Variants in ARPC1A observed in about 807,000 individuals in gnomAD.
ARPC1A encodes actin related protein 2/3 complex subunit 1A.
Under a neutral mutation model 46.9 loss-of-function variants are expected in ARPC1A, and 8 were observed. The ratio of observed to expected loss-of-function variants is 0.17; its 90% CI spans 0.10 to 0.31. ARPC1A has a LOEUF of 0.31. Among genes scored for constraint, ARPC1A ranks in the 10% least tolerant of loss-of-function variants. The pLI is 1.00. For synonymous variants in ARPC1A, 152 were observed against 169.0 expected, an observed-to-expected ratio of 0.90 and a Z score of 0.78; for missense variants, 286 against 483.6, an observed-to-expected ratio of 0.59 and a Z score of 3.83.
At chr7:99,335,880 G>A (rs1055388713) in intron 2 of ARPC1A, among the ~76,000 whole-genome samples, 1 of 152,050 alleles carries the variant, frequency 6.6e-6, no homozygotes, top group Admixed American at 6.6e-5. Flanking sequence ...CGTGAACCTG[G>A]GAGGCGGAGC....
chr7:99,339,795 C>T, intron 3 of ARPC1A: 1 of 283,214 alleles, frequency 3.5e-6, no homozygotes, highest in South Asian at 3.2e-5. Context: ...GCTGAATAGG[C>T]ATCCCTTGAT....
chr7:99,327,101 G>C (rs1793059726), intron 1 of ARPC1A, among the ~76,000 whole-genome samples: 1 of 151,972 alleles, frequency 6.6e-6, no homozygotes, highest in African/African-American at 2.4e-5. Context: ...TAGGGCCTGG[G>C]TTTTCAGGTA....
chr7:99,327,355 G>T (rs1793063489), intron 1 of ARPC1A, among the ~76,000 whole-genome samples: 1 of 151,908 alleles, frequency 6.6e-6, no homozygotes, highest in South Asian at 2.1e-4. Flanking sequence ...CTGTCACCCA[G>T]ACTGGAGTGC....
chr7:99,336,586 T>G (rs1269915394), intron 2 of ARPC1A, among the ~76,000 whole-genome samples: 2 of 142,188 alleles, frequency 1.4e-5, no homozygotes, highest in Non-Finnish European at 3.0e-5. Context: ...CTCTGCCTCC[T>G]ACGATCAAGC....
intron 2 of ARPC1A, among the ~76,000 whole-genome samples, chr7:99,337,533 A>G (rs1793277061): frequency 6.6e-6 from 1 of 152,232 alleles, no homozygotes; most frequent in African/African-American, 2.4e-5. Flanking sequence ...ATTTGGGAGC[A>G]TGTCAGATTT....
At chr7:99,345,183 C>T (rs1005493229) in intron 4 of ARPC1A, among the ~76,000 whole-genome samples, 25 of 151,700 alleles carry the variant, frequency 1.6e-4, no homozygotes, top group Non-Finnish European at 2.8e-4. Context: ...TCCACCGCCT[C>T]GGCCTCCCAA....
chr7:99,337,452 A>C (rs927546535), intron 2 of ARPC1A, among the ~76,000 whole-genome samples: 1 of 152,174 alleles, frequency 6.6e-6, no homozygotes, highest in Non-Finnish European at 1.5e-5. Flanking sequence ...TCTGAAATCC[A>C]AAATGTTCCA....
At chr7:99,360,582 C>T (rs915700763) in intron 8 of ARPC1A, among the ~76,000 whole-genome samples, 1 of 152,138 alleles carries the variant, frequency 6.6e-6, no homozygotes, top group African/African-American at 2.4e-5. Context: ...CCACCTCAGC[C>T]TCCCAAATTG....
At chr7:99,351,062 C>T (rs560109705) in intron 5 of ARPC1A, among the ~76,000 whole-genome samples, 6 of 151,866 alleles carry the variant, frequency 4.0e-5, no homozygotes, top group Admixed American at 2.0e-4. Flanking sequence ...TTGAGTTTGG[C>T]GGAGAGGATG....
At chr7:99,344,674 A>C (rs1360418381) in intron 4 of ARPC1A, among the ~76,000 whole-genome samples, 159 bp downstream of exon 4, 1 of 152,012 alleles carries the variant, frequency 6.6e-6, no homozygotes, top group Non-Finnish European at 1.5e-5. Flanking sequence ...TCTCATGTGC[A>C]TGTTAAGTTA....
chr7:99,361,572 TTC>T (rs1287819016), intron 8 of ARPC1A, among the ~76,000 whole-genome samples: 1 of 152,200 alleles, frequency 6.6e-6, no homozygotes, highest in East Asian at 1.9e-4. Flanking sequence ...TTCTTTAGGT[TTC>T]TCTGTCTTGA....
intron 5 of ARPC1A, among the ~76,000 whole-genome samples, chr7:99,353,283 G>T (rs112296818): frequency 0.35 from 52,721 of 149,168 alleles, 15,366 homozygotes; most frequent in African/African-American, 0.8. Flanking sequence ...CTCAGCCTCC[G>T]GAGTAGCTGG....
rs1172071932 is a variant in ARPC1A at position 99,344,920 on chromosome 7, C to CTTTTTTT, written c.392+428_392+434dup. Among the ~76,000 whole-genome samples, 59 of 20,110 alleles carry CTTTTTTT rather than the reference C, an allele frequency of 2.9e-3. 13 individuals are homozygous for CTTTTTTT. Among genetic ancestry groups the CTTTTTTT allele is most frequent in the African/African-American group, 7.4e-3 (34 of 4,576 alleles). The allele number at this position is 20,110 out of a possible 152,430, so 13.2% of individuals were successfully genotyped here. ...TAGGATTCCTACAGATAACAATGTT[C>CTTTTTTT]TTTTTTTTTTTTTTTTTTTTTTTTT... On this transcript the variant is annotated intron_variant, in intron 4 of 9. Coordinates refer to ENST00000262942, the MANE Select transcript of ARPC1A (RefSeq NM_006409.4).
At chr7:99,343,948 A>G (rs938834159) in intron 3 of ARPC1A, among the ~76,000 whole-genome samples, 1 of 152,244 alleles carries the variant, frequency 6.6e-6, no homozygotes, top group Admixed American at 6.5e-5. Flanking sequence ...ACAAAAATCT[A>G]ATAAAGAGGA....
At chr7:99,351,083 G>C (rs1281415125) in intron 5 of ARPC1A, among the ~76,000 whole-genome samples, 1 of 152,102 alleles carries the variant, frequency 6.6e-6, no homozygotes, top group African/African-American at 2.4e-5. Context: ...GAGGTCATGG[G>C]AGTGTCAAGG....
intron 3 of ARPC1A, among the ~76,000 whole-genome samples, chr7:99,342,526 TAAAGTGAGACCCTGTCTC>T (rs1793371834): frequency 6.6e-6 from 1 of 151,260 alleles, no homozygotes; most frequent in South Asian, 2.1e-4. Flanking sequence ...GTCTAGGTGA[TAAAGTGAGACCCTGTCTC>T]AAAAAAAAAA....
chr7:99,336,805 A>AT (rs1182832917), intron 2 of ARPC1A, among the ~76,000 whole-genome samples: 1 of 151,840 alleles, frequency 6.6e-6, no homozygotes, highest in East Asian at 1.9e-4. Flanking sequence ...ATAGATCCTA[A>AT]TTTTAATTTT....
intron 5 of ARPC1A, among the ~76,000 whole-genome samples, chr7:99,352,719 CT>C: frequency 6.6e-6 from 1 of 151,658 alleles, no homozygotes; most frequent in Non-Finnish European, 1.5e-5. Context: ...AATCCCAGCA[CT>C]TTGGGAGGCC....
At chr7:99,351,659 A>G (rs1191911536) in intron 5 of ARPC1A, among the ~76,000 whole-genome samples, 1 of 152,172 alleles carries the variant, frequency 6.6e-6, no homozygotes, top group Admixed American at 6.5e-5. Context: ...CTGTCTCGTC[A>G]TATAACCTCA....
Sources: allele counts gnomAD v4.1 joint callset (sites outside exome capture counted in the v4.1 genomes callset), GRCh38; gene constraint gnomAD v4.1.1; transcripts MANE v1.5; gene names NCBI Gene and HGNC (gene_info 2026-07-23, HGNC 2026-07-21).